FHIT: variants seen among roughly 807,000 people sequenced by gnomAD.
FHIT encodes bis(5'-adenosyl)-triphosphatase.
FHIT carries 19 observed loss-of-function variants against 17.9 expected under a neutral mutation model. That is an observed-to-expected ratio of 1.06 (90% confidence interval 0.74 to 1.56). The LOEUF (loss-of-function observed/expected upper bound fraction) is 1.56. FHIT is among the 40% of genes most tolerant of loss of function. The pLI is 0.00. For missense variants in FHIT, 248 were observed against 189.2 expected, an observed-to-expected ratio of 1.31 and a Z score of -1.82; for synonymous variants, 81 against 69.7, an observed-to-expected ratio of 1.16 and a Z score of -0.81.
chr3:59,838,207 C>A (rs1024761790), intron 8 of FHIT, among the ~76,000 whole-genome samples: 2 of 152,126 alleles, frequency 1.3e-5, no homozygotes, highest in Non-Finnish European at 2.9e-5. Flanking sequence ...AGCTAGGTTC[C>A]CTGACCCCAG....
intron 5 of FHIT, among the ~76,000 whole-genome samples, chr3:60,069,357 T>C (rs1702660786): frequency 6.6e-6 from 1 of 152,242 alleles, no homozygotes; most frequent in Non-Finnish European, 1.5e-5. Flanking sequence ...ATGTATAGTT[T>C]AATCCCAACC....
At chr3:59,807,382 C>T (rs566482649) in intron 8 of FHIT, among the ~76,000 whole-genome samples, 1 of 152,212 alleles carries the variant, frequency 6.6e-6, no homozygotes, top group African/African-American at 2.4e-5. Flanking sequence ...CAAACAGGAA[C>T]ACACTATGGG....
intron 4 of FHIT, among the ~76,000 whole-genome samples, chr3:60,798,752 C>CT (rs35159710): frequency 0.018 from 1,896 of 105,392 alleles, 64 homozygotes; most frequent in African/African-American, 0.045. Context: ...ACTGCAATAG[C>CT]TTTTTTTTTT....
chr3:60,274,887 T>C (rs1576404924), intron 5 of FHIT, among the ~76,000 whole-genome samples: 1 of 152,270 alleles, frequency 6.6e-6, no homozygotes, highest in South Asian at 2.1e-4. Flanking sequence ...CAATAGGAAG[T>C]TCTATAACTT....
intron 5 of FHIT, among the ~76,000 whole-genome samples, chr3:60,396,994 T>C (rs1701468909): frequency 1.3e-5 from 2 of 152,198 alleles, no homozygotes; most frequent in African/African-American, 4.8e-5. Flanking sequence ...TTCTTTGCTT[T>C]TCATTGTCCA....
chr3:60,859,690 C>CT (rs1401597418), intron 3 of FHIT, among the ~76,000 whole-genome samples: 8 of 143,828 alleles, frequency 5.6e-5, no homozygotes, highest in Non-Finnish European at 9.0e-5. Flanking sequence ...GAGAGCCACC[C>CT]TTCAGAAACA....
chr3:61,234,836 T>C (rs2040190644), intron 1 of FHIT, among the ~76,000 whole-genome samples: 1 of 152,200 alleles, frequency 6.6e-6, no homozygotes, highest in Admixed American at 6.5e-5. Context: ...ACAATTTATT[T>C]TTGTGTTTTA....
intron 5 of FHIT, among the ~76,000 whole-genome samples, chr3:60,317,635 G>GTATATA (rs372678434): frequency 0.011 from 1,529 of 134,444 alleles, 31 homozygotes; most frequent in African/African-American, 0.036. Flanking sequence ...GTGTGTGTGT[G>GTATATA]TATATATATA....
intron 7 of FHIT, among the ~76,000 whole-genome samples, chr3:59,928,179 AC>A (rs1162113133): frequency 6.6e-6 from 1 of 152,228 alleles, no homozygotes; most frequent in Non-Finnish European, 1.5e-5. Flanking sequence ...ATTCTAAAGA[AC>A]AACAGACGAT....
intron 8 of FHIT, among the ~76,000 whole-genome samples, 195 bp downstream of exon 8, chr3:59,922,151 T>C (rs1393568695): frequency 6.6e-6 from 1 of 152,070 alleles, no homozygotes; most frequent in Non-Finnish European, 1.5e-5. Context: ...AAAAAGAAAA[T>C]CATTATAATT....
chr3:60,041,308 G>T (rs1285546406), intron 5 of FHIT, among the ~76,000 whole-genome samples: 1 of 152,120 alleles, frequency 6.6e-6, no homozygotes, highest in African/African-American at 2.4e-5. Flanking sequence ...TTGAGGAGAG[G>T]AAACCAACTC....
intron 5 of FHIT, among the ~76,000 whole-genome samples, chr3:60,114,478 C>G (rs1470686385): frequency 1.4e-5 from 1 of 72,082 alleles, no homozygotes; most frequent in Non-Finnish European, 3.0e-5. Flanking sequence ...TAAGGAAGAA[C>G]AAGAGAAATC....
intron 3 of FHIT, among the ~76,000 whole-genome samples, chr3:60,862,426 C>G (rs1703954956): frequency 6.6e-6 from 1 of 152,086 alleles, no homozygotes; most frequent in South Asian, 2.1e-4. Flanking sequence ...CCTAGGCCTC[C>G]CAAAGTGCTT....
At chr3:60,472,497 T>C (rs1023423518) in intron 5 of FHIT, among the ~76,000 whole-genome samples, 1 of 151,636 alleles carries the variant, frequency 6.6e-6, no homozygotes, top group Non-Finnish European at 1.5e-5. Flanking sequence ...GCCTACCGAG[T>C]AGCTGGGACT....
rs191371793 is a variant in FHIT, at chr3:60,121,747, T to C, written c.104-107595A>G. ...ACACACACACACACACACACACACATTAGCCCTGTGCCTAATGTCACAGTG... is the reference window on the plus strand; with the variant it reads ...ACACACACACACACACACACACACACTAGCCCTGTGCCTAATGTCACAGTG... On this transcript the variant is annotated intron_variant, in intron 5 of 9. Coordinates refer to ENST00000492590, the MANE Select transcript of FHIT (RefSeq NM_002012.4). Among the ~76,000 whole-genome samples, 1,180 of 139,392 alleles carry C rather than the reference T, an allele frequency of 8.5e-3. 13 individuals carry two copies. Among genetic ancestry groups the C allele is most frequent in the African/African-American group, 0.03 (1,075 of 35,854 alleles). The allele number at this position is 139,392 out of a possible 152,430, so 91.4% of individuals were successfully genotyped here.
intron 7 of FHIT, among the ~76,000 whole-genome samples, chr3:59,984,648 C>G (rs960492384): frequency 4.6e-5 from 7 of 151,970 alleles, no homozygotes; most frequent in African/African-American, 1.2e-4. Context: ...AGAATGGAAC[C>G]AAGGCACACA....
chr3:60,405,074 G>C (rs28562950), intron 5 of FHIT, among the ~76,000 whole-genome samples: 5,702 of 152,222 alleles, frequency 0.037, 349 homozygotes, highest in African/African-American at 0.13. Context: ...GCAGCCAAAT[G>C]CCTAGGAAGA....
rs34640191 is a variant in FHIT, at chr3:60,792,833, CT to C, written c.-18+29085del. ...AGACTGCCCTTCGAGAAAACAATTT[CT>C]TTTTTTTTTTTTTTACTGAGAATTG... On this transcript the variant is annotated intron_variant, in intron 4 of 9. Coordinates refer to ENST00000492590, the MANE Select transcript of FHIT (RefSeq NM_002012.4). 1.7e-3 allele frequency among the ~76,000 whole-genome samples: 252 copies of C among 144,024 alleles called. 1 individual carries two copies. The highest frequency in any genetic ancestry group is 3.6e-3 in the Middle Eastern group (1 of 280). The allele number at this position is 144,024 out of a possible 152,430, so 94.5% of individuals were successfully genotyped here. A position where few individuals can be genotyped will look rare whatever the true frequency, so the allele number is the denominator to read the frequency against.
At chr3:60,168,360 A>G (rs1218172023) in intron 5 of FHIT, among the ~76,000 whole-genome samples, 1 of 152,320 alleles carries the variant, frequency 6.6e-6, no homozygotes, top group East Asian at 1.9e-4. Context: ...AGCGTCCATG[A>G]GCCCTCTGAT....
Sources: gnomAD v4.1 joint callset for allele counts (sites outside exome capture counted in the v4.1 genomes callset) on GRCh38, gnomAD v4.1.1 for gene constraint, MANE v1.5 for transcripts, NCBI Gene and HGNC (gene_info 2026-07-23, HGNC 2026-07-21) for gene names.